The following WWOX variants were observed in gnomAD, a reference collection of about 807,000 sequenced individuals.
WWOX encodes WW domain-containing oxidoreductase.
In WWOX, 69 loss-of-function variants were observed where a neutral mutation model predicts 46.2. That is an observed-to-expected ratio of 1.49 (90% CI 1.23 to 1.82). WWOX has a LOEUF of 1.82. Among genes scored for constraint, WWOX ranks in the 40% most tolerant of loss-of-function variants. The pLI is 0.00. For synonymous variants in WWOX, 359 were observed against 202.6 expected (o/e 1.77, Z -6.56); for missense variants, 919 against 542.6 (o/e 1.69, Z -6.89).
intron 5 of WWOX, among the ~76,000 whole-genome samples, chr16:78,277,574 C>G (rs1012935345): frequency 6.6e-6 from 1 of 152,138 alleles, no homozygotes; most frequent in Non-Finnish European, 1.5e-5. Flanking sequence ...AGTGGGGAAC[C>G]TGGCCCAATC....
intron 8 of WWOX, among the ~76,000 whole-genome samples, chr16:78,643,381 A>G (rs1436513488): frequency 6.6e-6 from 1 of 152,162 alleles, no homozygotes; most frequent in African/African-American, 2.4e-5. Flanking sequence ...ACTGTTGCAA[A>G]TTTCCAGTGG....
chr16:78,881,165 G>C (rs2044336156), intron 8 of WWOX, among the ~76,000 whole-genome samples: 1 of 151,438 alleles, frequency 6.6e-6, no homozygotes, highest in Admixed American at 6.6e-5. Flanking sequence ...CCCAATTTTT[G>C]TTGTTGTTGT....
At position 78,497,834 on chromosome 16, in the gene WWOX, T is replaced by G. The variant is rs4375671; in HGVS notation, c.1056+65082T>G. Among the ~76,000 whole-genome samples, 692 of 144,948 alleles carry G rather than the reference T, an allele frequency of 4.8e-3. 27 individuals are homozygous for G. The highest frequency in any genetic ancestry group is 0.043 in the Admixed American group (585 of 13,756). ...ATAAATAAATCAATAAATGGTAGAT[T>G]ATACACCGGAGTTACTGAGAATTAT... is the stretch of plus-strand genomic sequence containing the variant. On this transcript the variant is annotated intron_variant, in intron 8 of 8. Transcript: ENST00000566780.
intron 8 of WWOX, among the ~76,000 whole-genome samples, chr16:79,028,874 A>G (rs1274399800): frequency 1.4e-5 from 2 of 148,044 alleles, no homozygotes; most frequent in Non-Finnish European, 3.0e-5. Context: ...GGAAGAGATC[A>G]CTTCACAGTT....
intron 8 of WWOX, among the ~76,000 whole-genome samples, chr16:78,484,254 C>T (rs189226271): frequency 2.0e-5 from 3 of 152,228 alleles, no homozygotes; most frequent in Admixed American, 2.0e-4. Flanking sequence ...TAGGCCTTGG[C>T]ATATATTAAA....
At chr16:78,149,059 G>A (rs943164229) in intron 4 of WWOX, among the ~76,000 whole-genome samples, 29 of 151,968 alleles carry the variant, frequency 1.9e-4, no homozygotes, top group African/African-American at 4.6e-4. Context: ...TGGCAGGATC[G>A]TAGCTCACTG....
intron 6 of WWOX, among the ~76,000 whole-genome samples, chr16:78,407,665 CTCTT>C (rs1431507291): frequency 6.6e-6 from 1 of 152,170 alleles, no homozygotes; most frequent in Non-Finnish European, 1.5e-5. Flanking sequence ...GCATAAATGA[CTCTT>C]TCTTGATCAA....
Position 78,680,654 on chromosome 16 carries a change from C to T in WWOX, c.1056+247902C>T, listed in dbSNP as rs921827503. Among the ~76,000 whole-genome samples the T allele has an allele frequency of 3.2e-4, 48 of 152,342 alleles. 1 individual carries two copies. Among genetic ancestry groups the T allele is most frequent in the African/African-American group, 1.2e-3 (48 of 41,580 alleles). On this transcript the variant is annotated intron_variant, in intron 8 of 8. Transcript: ENST00000566780. ...AAAATTAAAGATTCAATCTCTCACT[C>T]ACACATTACAAGTGCTAAACATCCG...
At chr16:79,096,607 C>T (rs899240668) in intron 8 of WWOX, among the ~76,000 whole-genome samples, 4 of 152,188 alleles carry the variant, frequency 2.6e-5, no homozygotes, top group African/African-American at 7.2e-5. Context: ...CCAGCAGCAC[C>T]TCTGACCCCC....
intron 8 of WWOX, among the ~76,000 whole-genome samples, chr16:79,199,559 A>G (rs192062269): frequency 5.9e-5 from 9 of 152,172 alleles, no homozygotes; most frequent in African/African-American, 1.4e-4. Flanking sequence ...CAGTTTTCCT[A>G]TTAATACAAT....
At position 78,846,673 on chromosome 16, in the gene WWOX, TC is replaced by T. The variant is rs1266332616; in HGVS notation, c.1057-364934del. ...CGGTTAACGTGGTATCTGCCAGATTTCTCCACTGTAAAGGATCATTTTTTTC... is the reference window on the plus strand; with the variant it reads ...CGGTTAACGTGGTATCTGCCAGATTTTCCACTGTAAAGGATCATTTTTTTC... On this transcript the variant is annotated intron_variant, in intron 8 of 8. Transcript: ENST00000566780. Among the ~76,000 whole-genome samples the T allele has an allele frequency of 2.0e-5, 3 of 152,290 alleles. No individual in the cohort carries two copies. In the East Asian group the frequency reaches 5.8e-4, roughly 29 times the overall value.
intron 6 of WWOX, among the ~76,000 whole-genome samples, chr16:78,412,126 G>C (rs1262637828): frequency 6.6e-6 from 1 of 152,152 alleles, no homozygotes; most frequent in Admixed American, 6.5e-5. Flanking sequence ...GGATGGCACG[G>C]TATTTTAGGG....
At position 78,308,198 on chromosome 16, in the gene WWOX, C is replaced by T. The variant is rs1234419142; in HGVS notation, c.517-78662C>T. Among the ~76,000 whole-genome samples the T allele has an allele frequency of 2.6e-5, 4 of 152,168 alleles. No individual in the cohort carries two copies. In the South Asian group the frequency reaches 6.2e-4, roughly 24 times the overall value. On this transcript the variant is annotated intron_variant, in intron 5 of 8. Coordinates refer to ENST00000566780, the MANE Select transcript of WWOX (RefSeq NM_016373.4). Reference sequence around the variant, plus strand: ...TGGCCAGCACCATGCCACACAGCCACCCAGAGCTGCAAGAGAGTCTGCAGA... The same window carrying T: ...TGGCCAGCACCATGCCACACAGCCATCCAGAGCTGCAAGAGAGTCTGCAGA...
chr16:78,192,358 G>A (rs2035909478), intron 5 of WWOX, among the ~76,000 whole-genome samples: 1 of 151,910 alleles, frequency 6.6e-6, no homozygotes, highest in South Asian at 2.1e-4. Flanking sequence ...AGGCTTGGTG[G>A]CACGTGCCTG....
intron 8 of WWOX, among the ~76,000 whole-genome samples, chr16:79,027,385 A>C (rs187883079): frequency 6.6e-6 from 1 of 151,784 alleles, no homozygotes; most frequent in East Asian, 1.9e-4. Flanking sequence ...TGTTATTATA[A>C]TTACTTCAAG....
intron 8 of WWOX, among the ~76,000 whole-genome samples, chr16:78,964,480 C>G (rs945770282): frequency 2.0e-5 from 3 of 152,180 alleles, no homozygotes; most frequent in Admixed American, 2.0e-4. Context: ...TTTAGGGTAT[C>G]TGGCCGAAGA....
chr16:78,924,288 T>C (rs898168286), intron 8 of WWOX, among the ~76,000 whole-genome samples: 2 of 152,180 alleles, frequency 1.3e-5, no homozygotes, highest in African/African-American at 2.4e-5. Context: ...TATAAGATTT[T>C]AGGATTAGGA....
intron 5 of WWOX, among the ~76,000 whole-genome samples, chr16:78,323,175 T>G (rs1597482712): frequency 6.6e-6 from 1 of 152,280 alleles, no homozygotes; most frequent in East Asian, 1.9e-4. Context: ...TGGCACGATC[T>G]CAGCTCACTA....
chr16:78,717,450 T>C (rs1241326423), intron 8 of WWOX, among the ~76,000 whole-genome samples: 1 of 152,218 alleles, frequency 6.6e-6, no homozygotes, highest in East Asian at 1.9e-4. Context: ...TTAGCACCTT[T>C]TGAACAGTGG....
Sources: gnomAD v4.1 joint callset for allele counts (sites outside exome capture counted in the v4.1 genomes callset) on GRCh38, gnomAD v4.1.1 for gene constraint, MANE v1.5 for transcripts, NCBI Gene and HGNC (gene_info 2026-07-23, HGNC 2026-07-21) for gene names.